The following GBF1 variants were observed in gnomAD, a reference collection of about 807,000 sequenced individuals.
GBF1 encodes golgi brefeldin A resistant guanine nucleotide exchange factor 1.
Under a neutral mutation model 210.5 loss-of-function variants are expected in GBF1, and 114 were observed. The observed-to-expected ratio is 0.54, with a 90% CI of 0.47 to 0.63. The LOEUF (loss-of-function observed/expected upper bound fraction) is 0.63, where lower values mean the gene tolerates loss of function less well. Ranked by LOEUF, GBF1 falls within the 30% of genes least tolerant of loss-of-function variation. The pLI is 0.00. For synonymous variants in GBF1, 850 were observed against 889.2 expected, an observed-to-expected ratio of 0.96 and a Z score of 0.78; for missense variants, 1,851 against 2,357.7, an observed-to-expected ratio of 0.79 and a Z score of 4.45.
intron 3 of GBF1, among the ~76,000 whole-genome samples, chr10:102,263,875 G>A (rs371609338): frequency 9.8e-5 from 15 of 152,288 alleles, no homozygotes; most frequent in African/African-American, 3.6e-4. Context: ...TTTGGATAAA[G>A]CTTTAGCTTA....
chr10:102,261,176 C>A (rs2073157757), intron 3 of GBF1, among the ~76,000 whole-genome samples: 1 of 152,004 alleles, frequency 6.6e-6, no homozygotes, highest in African/African-American at 2.4e-5. Context: ...GGGCTCTTTG[C>A]TCTATATTGC....
In GBF1 at chr10:102,314,394, G is replaced by A. The variant is rs143483267; in HGVS notation, c.164-29657G>A. Among the ~76,000 whole-genome samples the A allele has an allele frequency of 8.9e-3, 1,354 of 152,000 alleles. 18 individuals carry two copies. Among genetic ancestry groups the A allele is most frequent in the African/African-American group, 0.029 (1,200 of 41,436 alleles). ...ACTCCTGGGCTCAAGCAGTCCTCCC[G>A]CCTAGGCCTCCCAAAATGCTGGGAT... On this transcript the variant is annotated intron_variant, in intron 3 of 39. Coordinates refer to ENST00000369983, the MANE Select transcript of GBF1 (RefSeq NM_001377137.1).
In GBF1 at chr10:102,359,282, G is replaced by A; in HGVS notation, c.1027G>A (p.Val343Met). Residue 343 changes from valine to methionine, a missense_variant, in exon 11 of 40, where the codon GTG (valine) becomes ATG (methionine). This residue lies in a region of GBF1 where 804 missense variants were observed against 958.6 expected (regional missense o/e 0.84). Coordinates refer to ENST00000369983, the MANE Select transcript of GBF1 (RefSeq NM_001377137.1). Reference protein sequence around the residue: ...QPDLQQEGTHVEKSQSASVES... With the variant: ...QPDLQQEGTHMEKSQSASVES... ...CTGGTCATAGCAGGAAGGGACCCAT[G>A]TGGAAAAGTCCCAGTCAGCATCTGT... 1 of 1,612,128 alleles carries A rather than the reference G, an allele frequency of 6.2e-7. No homozygotes were observed. The highest frequency in any genetic ancestry group is 8.5e-7 in the Non-Finnish European group (1 of 1,178,218).
intron 3 of GBF1, among the ~76,000 whole-genome samples, chr10:102,325,229 T>G (rs1589643667): frequency 6.6e-6 from 1 of 152,254 alleles, no homozygotes; most frequent in East Asian, 1.9e-4. Context: ...GGGTCCTCAT[T>G]AAGCTAAAGG....
intron 1 of GBF1, among the ~76,000 whole-genome samples, chr10:102,250,315 C>G (rs904801965): frequency 6.6e-6 from 1 of 151,822 alleles, no homozygotes; most frequent in African/African-American, 2.4e-5. Context: ...CCCATCTCAG[C>G]CTCCTGAGTA....
intron 3 of GBF1, among the ~76,000 whole-genome samples, chr10:102,335,986 A>G (rs190660341): frequency 2.4e-3 from 369 of 152,236 alleles, no homozygotes; most frequent in African/African-American, 6.8e-3. Context: ...ATTTTTATAT[A>G]TATATTTACT....
upstream of GBF1, among the ~76,000 whole-genome samples, chr10:102,243,744 C>T (rs1489203262): frequency 5.9e-5 from 9 of 152,182 alleles, no homozygotes; most frequent in East Asian, 1.7e-3. Flanking sequence ...AGGCTAGATC[C>T]TCAGCTGGAC....
In GBF1 at chr10:102,365,662, A is replaced by G. The variant is rs1183687071; in HGVS notation, c.2309+63A>G. 21 of 1,396,424 alleles carry G rather than the reference A, an allele frequency of 1.5e-5. No homozygotes were observed. The Middle Eastern group carries it at 6.4e-4, about 43-fold the overall frequency. The allele number at this position is 1,396,424 out of a possible 1,614,324, so 86.5% of individuals were successfully genotyped here. ...ATGGTGGCTCATGCCTGTAATCCTG[A>G]CACTTTGGGAGGCTGAGGCAGGCAG... On this transcript the variant is annotated intron_variant, in intron 18 of 39. Coordinates refer to ENST00000369983, the MANE Select transcript of GBF1 (RefSeq NM_001377137.1).
At chr10:102,265,546 G>A (rs1476566964) in intron 3 of GBF1, among the ~76,000 whole-genome samples, 1 of 152,018 alleles carries the variant, frequency 6.6e-6, no homozygotes, top group East Asian at 1.9e-4. Flanking sequence ...AAATTAGTTG[G>A]GTATGGTGGC....
At chr10:102,274,951 A>T (rs189679751) in intron 3 of GBF1, among the ~76,000 whole-genome samples, 45 of 150,762 alleles carry the variant, frequency 3.0e-4, no homozygotes, top group Non-Finnish European at 5.6e-4. Flanking sequence ...ACCTCAGGTG[A>T]TCTGCCCGCC....
intron 3 of GBF1, among the ~76,000 whole-genome samples, chr10:102,279,661 A>T (rs1048616720): frequency 6.6e-6 from 1 of 151,576 alleles, no homozygotes; most frequent in African/African-American, 2.4e-5. Flanking sequence ...CCTTTGAAGC[A>T]TGATTAGGAT....
chr10:102,253,562 G>A (rs913804551), intron 1 of GBF1, among the ~76,000 whole-genome samples: 2 of 152,092 alleles, frequency 1.3e-5, no homozygotes, highest in African/African-American at 2.4e-5. Context: ...TGTCCAGGCT[G>A]GAGTACAGTG....
rs759850441 is a variant in GBF1 at position 102,368,374 on chromosome 10, C to G, written c.2799C>G (p.Gly933=). The G allele has an allele frequency of 5.3e-5, 85 of 1,613,772 alleles. No individual in the cohort carries two copies. The Middle Eastern group carries it at 6.6e-4, about 13-fold the overall frequency. Residue 933 remains glycine, a synonymous_variant, in exon 22 of 40, where the codon GGC becomes GGG. Transcript: ENST00000369983. The part of the protein sequence containing the change: ...YDLDLFTMTW[G]PTIAALSYVF... ...TTGACCTCTTCACCATGACCTGGGG[C>G]CCCACTATTGCTGCTCTCTCTTATG...
At chr10:102,351,086 CAAA>C (rs531631806) in intron 4 of GBF1, among the ~76,000 whole-genome samples, 167 bp from the exon 5 acceptor site, 3 of 81,322 alleles carry the variant, frequency 3.7e-5, no homozygotes, top group Admixed American at 1.4e-4. Flanking sequence ...GACTCTGTCT[CAAA>C]AAAAAAAAAA....
At chr10:102,325,530 G>A (rs1316313646) in intron 3 of GBF1, among the ~76,000 whole-genome samples, 3 of 131,226 alleles carry the variant, frequency 2.3e-5, no homozygotes, top group Admixed American at 8.8e-5. Flanking sequence ...AAGCCTGAGC[G>A]ACAGAGCAAG....
chr10:102,323,241 A>AG (rs1183364515), intron 3 of GBF1, among the ~76,000 whole-genome samples: 1 of 142,614 alleles, frequency 7.0e-6, no homozygotes, highest in Non-Finnish European at 1.5e-5. Flanking sequence ...CCAAAATTGA[A>AG]AAAAAAAAAA....
In GBF1 at chr10:102,362,336, A is replaced by G. The variant is rs993025774; in HGVS notation, c.1687-139A>G. ...CTCCCAAAGTGCTGGGATTACAGGC[A>G]TGAGCCACCACGCCCGGCCAGAAAG... On this transcript the variant is annotated intron_variant, in intron 14 of 39. Coordinates refer to ENST00000369983, the MANE Select transcript of GBF1 (RefSeq NM_001377137.1). The G allele has an allele frequency of 1.3e-5, 8 of 635,898 alleles. No individual in the cohort carries two copies. In the African/African-American group the frequency reaches 1.3e-4, roughly 10 times the overall value. The allele number at this position is 635,898 out of a possible 1,614,324, so 39.4% of individuals were successfully genotyped here.
chr10:102,367,619 T>C, intron 21 of GBF1, 59 bp downstream of exon 21: 1 of 1,020,594 alleles, frequency 9.8e-7, no homozygotes, highest in Non-Finnish European at 1.6e-6. Context: ...ATTGCTTCCT[T>C]TCCCAGTTTT....
chr10:102,332,221 T>A (rs1221061959), intron 3 of GBF1, among the ~76,000 whole-genome samples: 3 of 152,106 alleles, frequency 2.0e-5, no homozygotes, highest in Admixed American at 2.0e-4. Flanking sequence ...ATAAATACTA[T>A]GTAAATAGTT....
Sources: allele counts gnomAD v4.1 joint callset (sites outside exome capture counted in the v4.1 genomes callset), GRCh38; gene constraint gnomAD v4.1.1; regional missense constraint gnomAD v4.1.1; transcripts MANE v1.5; gene names NCBI Gene and HGNC (gene_info 2026-07-23, HGNC 2026-07-21).